TUSC3: variants seen among roughly 807,000 people sequenced by gnomAD.
TUSC3 encodes dolichyl-diphosphooligosaccharide--protein glycosyltransferase subunit TUSC3.
TUSC3 carries 45 observed loss-of-function variants against 44.8 expected under a neutral mutation model. That is an observed-to-expected ratio of 1.00 (90% CI 0.79 to 1.29). The LOEUF is 1.29. TUSC3 is among the 50% of genes most tolerant of loss of function. TUSC3 has a pLI of 0.00. For missense variants in TUSC3, 519 were observed against 437.9 expected (o/e 1.19, Z -1.65); for synonymous variants, 212 against 152.9 (o/e 1.39, Z -2.85).
intron 6 of TUSC3, among the ~76,000 whole-genome samples, chr8:15,680,550 T>G (rs1308135038): frequency 6.6e-6 from 1 of 152,276 alleles, no homozygotes; most frequent in African/African-American, 2.4e-5. Flanking sequence ...ATACTTTGAC[T>G]TATTCTTTTC....
chr8:15,763,165 T>C (rs1488035077), intron 10 of TUSC3, among the ~76,000 whole-genome samples: 1 of 151,796 alleles, frequency 6.6e-6, no homozygotes, highest in Non-Finnish European at 1.5e-5. Context: ...TACTAAAATG[T>C]TACATTTTAA....
At position 15,556,275 on chromosome 8, in the gene TUSC3, A is replaced by T. The variant is rs373550421; in HGVS notation, c.138+15707A>T. Among the ~76,000 whole-genome samples the T allele has an allele frequency of 3.3e-3, 475 of 142,656 alleles. 5 individuals are homozygous for T. Among genetic ancestry groups the T allele is most frequent in the Middle Eastern group, 7.5e-3 (2 of 266 alleles). 93.6% of individuals were successfully genotyped at this position (142,656 alleles called of 152,430 possible). A position where few individuals can be genotyped will look rare whatever the true frequency, so the allele number is the denominator to read the frequency against. ...TGCGGTGTTTGGTTTTTTGTTCTTGAGATAGTTTACTGAGAATGTTTTCCA... is the reference window on the plus strand; with the variant it reads ...TGCGGTGTTTGGTTTTTTGTTCTTGTGATAGTTTACTGAGAATGTTTTCCA... On this transcript the variant is annotated intron_variant, in intron 1 of 10. Transcript: ENST00000503731.
chr8:15,630,240 A>G (rs953653064), intron 2 of TUSC3, among the ~76,000 whole-genome samples: 2 of 152,188 alleles, frequency 1.3e-5, no homozygotes, highest in African/African-American at 4.8e-5. Flanking sequence ...TGCCTGTATA[A>G]CCAAAGTTTT....
chr8:15,474,865 G>A (rs528293828), intron 1 of TUSC3, among the ~76,000 whole-genome samples: 11 of 152,198 alleles, frequency 7.2e-5, no homozygotes, highest in South Asian at 2.1e-4. Flanking sequence ...AACCCTGACC[G>A]TCTGTACTAG....
intron 6 of TUSC3, among the ~76,000 whole-genome samples, chr8:15,693,247 T>C (rs1211976706): frequency 6.6e-6 from 1 of 152,176 alleles, no homozygotes; most frequent in Non-Finnish European, 1.5e-5. Flanking sequence ...TGCTTTACAG[T>C]GTCACTGGTG....
At position 15,621,971 on chromosome 8, in the gene TUSC3, A is replaced by G. The variant is rs76157316; in HGVS notation, c.139-1109A>G. ...TCAAGTGGGTGCAAAGCACTGCAACAAGTCTTTTACCTTAACTCAGGATAA... is the reference window on the plus strand; with the variant it reads ...TCAAGTGGGTGCAAAGCACTGCAACGAGTCTTTTACCTTAACTCAGGATAA... On this transcript the variant is annotated intron_variant, in intron 1 of 10. Transcript: ENST00000503731. Among the ~76,000 whole-genome samples the G allele has an allele frequency of 9.4e-3, 1,437 of 152,214 alleles. 23 individuals are homozygous for G. The highest frequency in any genetic ancestry group is 0.032 in the African/African-American group (1,327 of 41,528).
chr8:15,453,266 T>A (rs951422304), intron 1 of TUSC3, among the ~76,000 whole-genome samples: 2 of 152,140 alleles, frequency 1.3e-5, no homozygotes, highest in Admixed American at 6.5e-5. Context: ...ATTTTCAAAT[T>A]TTAACCATGT....
At chr8:15,816,704 A>G in the TUSC3 span, among the ~76,000 whole-genome samples, 1 of 152,194 alleles carries the variant, frequency 6.6e-6, no homozygotes, top group Non-Finnish European at 1.5e-5. Flanking sequence ...AGACATTCAC[A>G]TGCTCTCAAA....
chr8:15,789,274 G>A, the TUSC3 span, among the ~76,000 whole-genome samples: 1,658 of 152,260 alleles, frequency 0.011, 16 homozygotes, highest in Non-Finnish European at 0.014. Flanking sequence ...TCAGTGTACC[G>A]TAATATGGAT....
chr8:15,424,827 C>T (rs552597423), intron 1 of TUSC3, among the ~76,000 whole-genome samples: 5 of 151,644 alleles, frequency 3.3e-5, no homozygotes, highest in South Asian at 2.1e-4. Flanking sequence ...TGCAGTGAGC[C>T]GAGGTAGCAC....
At chr8:15,438,836 G>A (rs1799984597) in intron 1 of TUSC3, among the ~76,000 whole-genome samples, 1 of 152,168 alleles carries the variant, frequency 6.6e-6, no homozygotes, top group East Asian at 1.9e-4. Context: ...CAAAGATGAT[G>A]AGTGAATATG....
At chr8:15,662,465 CTG>C (rs375559897) in intron 5 of TUSC3, among the ~76,000 whole-genome samples, 169 bp downstream of exon 5, 90 of 139,126 alleles carry the variant, frequency 6.5e-4, no homozygotes, top group African/African-American at 2.3e-3. Flanking sequence ...TCAATCAAAA[CTG>C]TGCTATCTTC....
intron 1 of TUSC3, among the ~76,000 whole-genome samples, chr8:15,478,410 A>T (rs1800611362): frequency 6.6e-6 from 1 of 152,014 alleles, no homozygotes; most frequent in African/African-American, 2.4e-5. Context: ...TTAGCTATTT[A>T]TCCTGGTGCT....
intron 6 of TUSC3, among the ~76,000 whole-genome samples, chr8:15,721,497 A>G (rs1810303800): frequency 6.6e-6 from 1 of 152,082 alleles, no homozygotes; most frequent in Admixed American, 6.6e-5. Flanking sequence ...TACTTTTCAT[A>G]TATACGTGAT....
At chr8:15,723,689 T>A (rs1005578522) in intron 6 of TUSC3, among the ~76,000 whole-genome samples, 1 of 152,150 alleles carries the variant, frequency 6.6e-6, no homozygotes, top group Non-Finnish European at 1.5e-5. Flanking sequence ...CAGAGGAATC[T>A]TTTATTAAAA....
At chr8:15,494,744 T>C (rs750732982) in intron 2 of TUSC3, among the ~76,000 whole-genome samples, 3 of 152,236 alleles carry the variant, frequency 2.0e-5, no homozygotes, top group African/African-American at 4.8e-5. Context: ...AACGGACTTT[T>C]CTGGACTGTA....
At chr8:15,467,161 C>A (rs1014196838) in intron 1 of TUSC3, among the ~76,000 whole-genome samples, 2 of 151,156 alleles carry the variant, frequency 1.3e-5, no homozygotes, top group African/African-American at 4.9e-5. Flanking sequence ...GATTAAAAGA[C>A]AACACTGTTA....
At chr8:15,608,224 G>C (rs1279228674) in intron 1 of TUSC3, among the ~76,000 whole-genome samples, 2 of 151,728 alleles carry the variant, frequency 1.3e-5, no homozygotes, top group Non-Finnish European at 2.9e-5. Flanking sequence ...TATTTTGATT[G>C]AGTTCTTGGT....
At chr8:15,674,125 C>T (rs1045339429) in intron 6 of TUSC3, among the ~76,000 whole-genome samples, 4 of 151,806 alleles carry the variant, frequency 2.6e-5, no homozygotes, top group Admixed American at 1.3e-4. Flanking sequence ...GCTGCTATGG[C>T]GATAACATGT....
Sources: allele counts gnomAD v4.1 joint callset (sites outside exome capture counted in the v4.1 genomes callset), GRCh38; gene constraint gnomAD v4.1.1; transcripts MANE v1.5; gene names NCBI Gene and HGNC (gene_info 2026-07-23, HGNC 2026-07-21).